The following ANKS1B variants were observed in gnomAD, a reference collection of about 807,000 sequenced individuals.
ANKS1B encodes ankyrin repeat and sterile alpha motif domain-containing protein 1B.
ANKS1B carries 36 observed loss-of-function variants against 148.3 expected under a neutral mutation model. That is an observed-to-expected ratio of 0.24 (90% CI 0.19 to 0.32). The LOEUF (loss-of-function observed/expected upper bound fraction) is 0.32, where lower values mean the gene tolerates loss of function less well. ANKS1B is among the 10% of genes least tolerant of loss of function. The pLI, the probability that ANKS1B is intolerant of heterozygous loss-of-function variation, is 1.00. For synonymous variants in ANKS1B, 542 were observed against 560.8 expected, an observed-to-expected ratio of 0.97 and a Z score of 0.47; for missense variants, 1,157 against 1,542.6, an observed-to-expected ratio of 0.75 and a Z score of 4.19.
At position 99,583,518 on chromosome 12, in the gene ANKS1B, C is replaced by T. The variant is rs150417885; in HGVS notation, c.1272+71549G>A. The stretch of plus-strand genomic sequence containing the variant: ...TTATATTTCCAACAAATGACTAACA[C>T]TATTTTATGATCAGTTCTTTTTCCA... On this transcript the variant is annotated intron_variant, in intron 9 of 26. Coordinates refer to ENST00000683438, the MANE Select transcript of ANKS1B (RefSeq NM_001352186.2). 2.3e-3 allele frequency among the ~76,000 whole-genome samples: 347 copies of T among 152,260 alleles called. 2 individuals are homozygous for T. Among genetic ancestry groups the T allele is most frequent in the African/African-American group, 8.0e-3 (334 of 41,554 alleles).
At chr12:98,833,904 T>C (rs568364957) in intron 17 of ANKS1B, among the ~76,000 whole-genome samples, 56 of 152,322 alleles carry the variant, frequency 3.7e-4, no homozygotes, top group Non-Finnish European at 7.3e-4. Flanking sequence ...GCTGCATCCA[T>C]GCTGCTGCAA....
chr12:99,199,533 G>A (rs772503798), intron 14 of ANKS1B, among the ~76,000 whole-genome samples: 42 of 151,890 alleles, frequency 2.8e-4, no homozygotes, highest in Admixed American at 2.3e-3. Flanking sequence ...GCCAATTCTC[G>A]GTAATAAGTG....
intron 1 of ANKS1B, among the ~76,000 whole-genome samples, chr12:99,974,014 G>A (rs893689314): frequency 1.3e-5 from 2 of 152,106 alleles, no homozygotes; most frequent in Admixed American, 6.5e-5. Flanking sequence ...CCCATGCTAC[G>A]GAAACATCTT....
intron 17 of ANKS1B, among the ~76,000 whole-genome samples, chr12:99,031,367 C>T (rs1004478326): frequency 4.6e-5 from 7 of 152,202 alleles, no homozygotes; most frequent in Non-Finnish European, 7.3e-5. Context: ...TGAGTGGTTT[C>T]TATAGCTCTG....
Position 99,610,387 on chromosome 12 carries a change from T to A in ANKS1B, c.1272+44680A>T, listed in dbSNP as rs150662585. ...GTATAGGGCAAGACCCCTTCTGAAATGAGGGTCTTGTGACCTACCATTAGA... is the reference window on the plus strand; with the variant it reads ...GTATAGGGCAAGACCCCTTCTGAAAAGAGGGTCTTGTGACCTACCATTAGA... On this transcript the variant is annotated intron_variant, in intron 9 of 26. Transcript: ENST00000683438. Among the ~76,000 whole-genome samples, 4 of 152,186 alleles carry A rather than the reference T, an allele frequency of 2.6e-5. No homozygotes were observed. In the East Asian group the frequency reaches 7.7e-4, roughly 29 times the overall value.
chr12:99,481,846 C>T lies in ANKS1B; in HGVS notation c.1438+22630G>A, dbSNP rs541579118. Among the ~76,000 whole-genome samples the T allele has an allele frequency of 7.2e-4, 110 of 151,842 alleles. 7 individuals carry two copies. In the South Asian group the frequency reaches 0.022, roughly 31 times the overall value. Reference sequence around the variant, plus strand: ...CTTTTGAGAAATGTCTATTCATATTCCTTGTCAAGTTTTTGAAGGAATTAT... The same window carrying T: ...CTTTTGAGAAATGTCTATTCATATTTCTTGTCAAGTTTTTGAAGGAATTAT... On this transcript the variant is annotated intron_variant, in intron 10 of 26. Coordinates refer to ENST00000683438, the MANE Select transcript of ANKS1B (RefSeq NM_001352186.2).
At chr12:99,586,421 C>A (rs1286135628) in intron 9 of ANKS1B, among the ~76,000 whole-genome samples, 2 of 152,166 alleles carry the variant, frequency 1.3e-5, no homozygotes, top group Non-Finnish European at 2.9e-5. Flanking sequence ...TGGTCAGAGC[C>A]ATTCAACAAG....
At chr12:99,521,726 ATCTCTCGCTC>A (rs2096876862) in intron 9 of ANKS1B, among the ~76,000 whole-genome samples, 1 of 150,572 alleles carries the variant, frequency 6.6e-6, no homozygotes, top group South Asian at 2.1e-4. Flanking sequence ...CTCTCTCTCA[ATCTCTCGCTC>A]TCTCTCTCTC....
chr12:99,983,024 G>A (rs1322577932), intron 1 of ANKS1B, among the ~76,000 whole-genome samples: 1 of 152,172 alleles, frequency 6.6e-6, no homozygotes, highest in African/African-American at 2.4e-5. Flanking sequence ...CACTTGTCAA[G>A]GGTAGCATGG....
chr12:99,949,936 T>G (rs2095170855), intron 1 of ANKS1B, among the ~76,000 whole-genome samples: 1 of 151,942 alleles, frequency 6.6e-6, no homozygotes, highest in African/African-American at 2.4e-5. Context: ...TTGCTCTAGT[T>G]CCATACTCCA....
At chr12:99,070,616 G>A (rs2045950209) in intron 16 of ANKS1B, among the ~76,000 whole-genome samples, 1 of 152,140 alleles carries the variant, frequency 6.6e-6, no homozygotes, top group African/African-American at 2.4e-5. Context: ...TTTTTGCTTG[G>A]AGTGTCATGA....
chr12:99,932,484 A>G (rs1336378268), intron 1 of ANKS1B, among the ~76,000 whole-genome samples: 2 of 152,038 alleles, frequency 1.3e-5, no homozygotes, highest in East Asian at 1.9e-4. Context: ...GGGTGAAATG[A>G]TATCTCCTTG....
intron 17 of ANKS1B, among the ~76,000 whole-genome samples, chr12:98,836,593 T>A (rs1376784080): frequency 6.6e-6 from 1 of 152,218 alleles, no homozygotes; most frequent in Non-Finnish European, 1.5e-5. Context: ...TAGCAGACTG[T>A]CTTTGCAAGC....
intron 1 of ANKS1B, among the ~76,000 whole-genome samples, chr12:99,836,010 T>G (rs543131573): frequency 6.6e-6 from 1 of 152,162 alleles, no homozygotes; most frequent in African/African-American, 2.4e-5. Flanking sequence ...CCCATATGAG[T>G]TTATTGAATG....
At chr12:99,895,669 CA>C (rs5800388) in intron 1 of ANKS1B, among the ~76,000 whole-genome samples, 27,000 of 150,138 alleles carry the variant, frequency 0.18, 3,894 homozygotes, top group Non-Finnish European at 0.26. Flanking sequence ...GTACCAACCA[CA>C]AAAAAAACAG....
chr12:99,169,002 T>C (rs2077477626), intron 14 of ANKS1B, among the ~76,000 whole-genome samples: 1 of 152,238 alleles, frequency 6.6e-6, no homozygotes, highest in African/African-American at 2.4e-5. Flanking sequence ...ATTTCAGACA[T>C]CTCTTAATTA....
chr12:99,948,350 C>A (rs1439163165), intron 1 of ANKS1B, among the ~76,000 whole-genome samples: 1 of 149,790 alleles, frequency 6.7e-6, no homozygotes, highest in Admixed American at 6.7e-5. Flanking sequence ...AAGAAGGATG[C>A]CTTTTATTGG....
chr12:98,966,306 C>T (rs1281287320), intron 17 of ANKS1B, among the ~76,000 whole-genome samples: 1 of 152,284 alleles, frequency 6.6e-6, no homozygotes, highest in East Asian at 1.9e-4. Context: ...AAATGCTCAT[C>T]ATCACTGGCC....
chr12:99,701,455 C>G (rs559713298), intron 8 of ANKS1B, among the ~76,000 whole-genome samples: 2 of 152,094 alleles, frequency 1.3e-5, no homozygotes, highest in South Asian at 4.2e-4. Context: ...TACTTTTATA[C>G]AAGCATACAA....
Sources: allele counts gnomAD v4.1 joint callset (sites outside exome capture counted in the v4.1 genomes callset), GRCh38; gene constraint gnomAD v4.1.1; transcripts MANE v1.5; gene names NCBI Gene and HGNC (gene_info 2026-07-23, HGNC 2026-07-21).